The following MTHFSD variants were observed in gnomAD, a reference collection of about 807,000 sequenced individuals.
MTHFSD encodes methenyltetrahydrofolate synthase domain-containing protein.
A neutral mutation model predicts 31.1 loss-of-function variants in MTHFSD; 37 were observed. That is an observed-to-expected ratio of 1.19 (90% confidence interval 0.91 to 1.56). The LOEUF is 1.56. Among genes scored for constraint, MTHFSD ranks in the 40% most tolerant of loss-of-function variants. The pLI, the probability that MTHFSD is intolerant of heterozygous loss-of-function variation, is 0.00. For synonymous variants in MTHFSD, 221 were observed against 206.9 expected, an observed-to-expected ratio of 1.07 and a Z score of -0.59; for missense variants, 664 against 510.1, an observed-to-expected ratio of 1.30 and a Z score of -2.91.
intron 7 of MTHFSD, among the ~76,000 whole-genome samples, chr16:86,536,882 G>A (rs377199934): frequency 1.3e-5 from 2 of 152,220 alleles, no homozygotes; most frequent in East Asian, 1.9e-4. Context: ...AAGAGCAGCC[G>A]CGTGGTTCCC....
chr16:86,538,651 C>G (rs892511736), intron 7 of MTHFSD, among the ~76,000 whole-genome samples: 3 of 152,216 alleles, frequency 2.0e-5, no homozygotes, highest in East Asian at 1.9e-4. Context: ...ACACGGCTGT[C>G]ACAGGGAGAG....
intron 1 of MTHFSD, 178 bp downstream of exon 1, chr16:86,554,991 G>C (rs1037450542): frequency 1.3e-5 from 18 of 1,361,146 alleles, no homozygotes; most frequent in East Asian, 1.0e-4. Context: ...TCGGGATTCC[G>C]GGCGAGAGAG....
rs1046370438 is a variant in MTHFSD at position 86,543,317 on chromosome 16, G to A, written c.443-1104C>T. Among the ~76,000 whole-genome samples the A allele has an allele frequency of 3.3e-5, 5 of 151,698 alleles. No homozygotes were observed. The South Asian group carries it at 6.2e-4, about 19-fold the overall frequency. ...CCACTGTTGAGGGCCGAAAGTGAGCGGCCCTTCTGGTGGCAACATCAAGGC... is the reference window on the plus strand; with the variant it reads ...CCACTGTTGAGGGCCGAAAGTGAGCAGCCCTTCTGGTGGCAACATCAAGGC... On this transcript the variant is annotated intron_variant, in intron 5 of 7. Coordinates refer to ENST00000360900, the MANE Select transcript of MTHFSD (RefSeq NM_001159377.2).
chr16:86,545,578 G>A (rs929428403), intron 5 of MTHFSD, among the ~76,000 whole-genome samples: 1 of 152,084 alleles, frequency 6.6e-6, no homozygotes, highest in Non-Finnish European at 1.5e-5. Context: ...AGTCCCCTCT[G>A]CCTGGACTGT....
At chr16:86,551,049 A>C (rs1014482800) in intron 3 of MTHFSD, among the ~76,000 whole-genome samples, 3 of 152,212 alleles carry the variant, frequency 2.0e-5, no homozygotes, top group Non-Finnish European at 4.4e-5. Context: ...ATCAGCTGCG[A>C]TTTGCTCCAG....
intron 7 of MTHFSD, among the ~76,000 whole-genome samples, chr16:86,534,077 G>A (rs1234447259): frequency 6.6e-6 from 1 of 152,234 alleles, no homozygotes; most frequent in African/African-American, 2.4e-5. Context: ...ACTCTTGGCT[G>A]TCATAGAAAG....
Position 86,542,049 on chromosome 16 carries a change from T to C in MTHFSD, c.555+52A>G, listed in dbSNP as rs982757921. Reference sequence around the variant, plus strand: ...ATGAGTCTCCTTCCCCACCCCCTGCTCCCTCAGAAGAGAATGGCAGTGGCT... The same window carrying C: ...ATGAGTCTCCTTCCCCACCCCCTGCCCCCTCAGAAGAGAATGGCAGTGGCT... On this transcript the variant is annotated intron_variant, in intron 6 of 7. Transcript: ENST00000360900. The surrounding 1 kb of genome is among the most constrained non-coding windows in gnomAD (Gnocchi z 4.6). 2.6e-6 allele frequency: 4 copies of C among 1,533,612 alleles called. No homozygotes were observed. The highest frequency in any genetic ancestry group is 1.7e-5 in the Admixed American group (1 of 59,118).
At chr16:86,540,043 T>G (rs561096875) in intron 7 of MTHFSD, among the ~76,000 whole-genome samples, 6 of 152,326 alleles carry the variant, frequency 3.9e-5, no homozygotes, top group African/African-American at 1.4e-4. Flanking sequence ...ACATTCAAAC[T>G]CTTTAATGGA....
At chr16:86,554,947 C>A in intron 1 of MTHFSD, 196 bp from the exon 2 acceptor site, 1 of 1,255,710 alleles carries the variant, frequency 8.0e-7, no homozygotes, top group Non-Finnish European at 1.1e-6. Flanking sequence ...CCCGCCTCGT[C>A]TTCTCGTTAT....
At chr16:86,550,148 C>T (rs1972931953) in intron 3 of MTHFSD, among the ~76,000 whole-genome samples, 1 of 152,224 alleles carries the variant, frequency 6.6e-6, no homozygotes, top group Non-Finnish European at 1.5e-5. Context: ...AGCTGGGGCT[C>T]AGGAACTTGC....
Position 86,555,193 on chromosome 16 carries a change from AG to A in MTHFSD, c.-10del. On this transcript the variant is annotated 5_prime_UTR_variant, in exon 1 of 8. The change creates a new upstream start codon in the 5' untranslated region. Transcript: ENST00000360900. ...CCTGCCCTCGGCTCCATGGTGATGC[AG>A]TCGCTGTGCGACGCTTCCCGGCGCA... is the stretch of plus-strand genomic sequence containing the variant. 1 of 1,536,880 alleles carries A rather than the reference AG, an allele frequency of 6.5e-7. No individual in the cohort carries two copies. The highest frequency in any genetic ancestry group is 8.7e-7 in the Non-Finnish European group (1 of 1,146,586).
Position 86,542,485 on chromosome 16 carries a change from A to AC in MTHFSD, c.443-273_443-272insG. The AC allele has an allele frequency of 1.0e-5, 4 of 388,698 alleles. No homozygotes were observed. Among genetic ancestry groups the AC allele is most frequent in the South Asian group, 4.7e-5 (1 of 21,062 alleles). 24.1% of individuals were successfully genotyped at this position (388,698 alleles called of 1,614,324 possible). On this transcript the variant is annotated intron_variant, in intron 5 of 7. Transcript: ENST00000360900. The surrounding 1 kb of genome is among the most constrained non-coding windows in gnomAD (Gnocchi z 4.6). ...GACCGTTCAAGCATGTCACAAAGGG[A>AC]AACAGATCACACTCATGTCAGCTTT...
chr16:86,540,400 C>T (rs990958677), intron 7 of MTHFSD, among the ~76,000 whole-genome samples: 4 of 152,198 alleles, frequency 2.6e-5, no homozygotes, highest in Middle Eastern at 6.4e-3. Context: ...ATTCACCTAA[C>T]GTGTCCGATG....
At position 86,547,251 on chromosome 16, in the gene MTHFSD, G is replaced by A. The variant is rs553316031; in HGVS notation, c.352-602C>T. On this transcript the variant is annotated intron_variant, in intron 4 of 7. Coordinates refer to ENST00000360900, the MANE Select transcript of MTHFSD (RefSeq NM_001159377.2). Reference sequence around the variant, plus strand: ...TCCCTTCAACCAAAATGTCCCAAAAGTGTACCGCTTTATACTAATGCAGGC... The same window carrying A: ...TCCCTTCAACCAAAATGTCCCAAAAATGTACCGCTTTATACTAATGCAGGC... The A allele has an allele frequency of 1.2e-5, 12 of 986,040 alleles. No individual in the cohort carries two copies. The East Asian group carries it at 1.1e-3, about 93-fold the overall frequency. 61.1% of individuals were successfully genotyped at this position (986,040 alleles called of 1,614,324 possible).
intron 7 of MTHFSD, among the ~76,000 whole-genome samples, chr16:86,535,999 C>A (rs77591312): frequency 0.01 from 1,580 of 152,250 alleles, 23 homozygotes; most frequent in African/African-American, 0.036. Flanking sequence ...TACATGTGGG[C>A]ACTCACCACC....
intron 4 of MTHFSD, chr16:86,547,048 A>G: frequency 1.7e-6 from 1 of 592,210 alleles, no homozygotes; most frequent in Non-Finnish European, 2.2e-6. Flanking sequence ...CAGTTTCTTC[A>G]GCTGTAAGAC....
At chr16:86,540,406 C>G (rs930433310) in intron 7 of MTHFSD, among the ~76,000 whole-genome samples, 42 of 152,178 alleles carry the variant, frequency 2.8e-4, no homozygotes, top group African/African-American at 8.7e-4. Flanking sequence ...CTAACGTGTC[C>G]GATGACTTCA....
At chr16:86,548,952 GAC>G (rs1972735353) in intron 3 of MTHFSD, among the ~76,000 whole-genome samples, 1 of 152,082 alleles carries the variant, frequency 6.6e-6, no homozygotes, top group African/African-American at 2.4e-5. Context: ...CACCAAGTGC[GAC>G]ACAGTTACAA....
At chr16:86,535,445 T>C (rs2354021) in intron 7 of MTHFSD, 886,281 of 985,372 alleles carry the variant, frequency 0.9, 398,752 homozygotes, top group Non-Finnish European at 0.9. Flanking sequence ...GACGTCATGG[T>C]TGGGATGAGT....
Sources: allele counts gnomAD v4.1 joint callset (sites outside exome capture counted in the v4.1 genomes callset), GRCh38; gene constraint gnomAD v4.1.1; non-coding constraint Gnocchi (gnomAD v3.1); transcripts MANE v1.5; gene names NCBI Gene and HGNC (gene_info 2026-07-23, HGNC 2026-07-21).